The following CYTH3 variants were observed in gnomAD, a reference collection of about 807,000 sequenced individuals.
CYTH3 encodes the protein cytohesin-3.
A neutral mutation model predicts 55.1 loss-of-function variants in CYTH3; 23 were observed. That is an observed-to-expected ratio of 0.42 (90% CI 0.30 to 0.59). The LOEUF is 0.59. CYTH3 is among the 20% of genes least tolerant of loss of function. The pLI, the probability that CYTH3 is intolerant of heterozygous loss-of-function variation, is 0.20. For synonymous variants in CYTH3, 249 were observed against 194.9 expected, an observed-to-expected ratio of 1.28 and a Z score of -2.31; for missense variants, 413 against 524.8, an observed-to-expected ratio of 0.79 and a Z score of 2.08.
At chr7:6,258,125 GT>G (rs1780176989) in intron 1 of CYTH3, among the ~76,000 whole-genome samples, 1 of 151,892 alleles carries the variant, frequency 6.6e-6, no homozygotes, top group Admixed American at 6.6e-5. Flanking sequence ...AATATTTTTT[GT>G]TTCTTTGGTT....
intron 1 of CYTH3, among the ~76,000 whole-genome samples, chr7:6,233,065 G>A (rs1779428090): frequency 6.6e-6 from 1 of 152,000 alleles, no homozygotes; most frequent in African/African-American, 2.4e-5. Context: ...TTCTTCCCAA[G>A]CTCCTTAAAT....
At chr7:6,240,884 G>C (rs578070250) in intron 1 of CYTH3, among the ~76,000 whole-genome samples, 1 of 152,106 alleles carries the variant, frequency 6.6e-6, no homozygotes, top group East Asian at 1.9e-4. Flanking sequence ...GGAAGGCCAA[G>C]GCGGGTGGAT....
chr7:6,247,994 T>C (rs1240328046), intron 1 of CYTH3, among the ~76,000 whole-genome samples: 1 of 151,964 alleles, frequency 6.6e-6, no homozygotes, highest in African/African-American at 2.4e-5. Flanking sequence ...TGCCCTAGTT[T>C]TCAGCTTGGC....
intron 1 of CYTH3, among the ~76,000 whole-genome samples, chr7:6,203,076 T>G (rs1235657099): frequency 6.6e-6 from 1 of 152,048 alleles, no homozygotes; most frequent in Non-Finnish European, 1.5e-5. Context: ...CACTAGATAA[T>G]GATATTTTGT....
At chr7:6,195,719 T>G (rs1413308506) in intron 1 of CYTH3, among the ~76,000 whole-genome samples, 4 of 152,184 alleles carry the variant, frequency 2.6e-5, no homozygotes, top group Admixed American at 2.6e-4. Flanking sequence ...ACAGGTCATC[T>G]CCATTAAACC....
intron 1 of CYTH3, among the ~76,000 whole-genome samples, chr7:6,245,680 G>A (rs570010037): frequency 7.2e-5 from 11 of 152,294 alleles, no homozygotes; most frequent in Middle Eastern, 3.4e-3. Flanking sequence ...CGAGGCAGGC[G>A]GATCACCTGA....
At chr7:6,173,439 A>G (rs1044443449) in intron 6 of CYTH3, among the ~76,000 whole-genome samples, 40 of 152,330 alleles carry the variant, frequency 2.6e-4, no homozygotes, top group African/African-American at 9.4e-4. Context: ...ACAGTGAGGA[A>G]AGCACGGCCC....
intron 1 of CYTH3, among the ~76,000 whole-genome samples, chr7:6,217,882 A>T (rs571030447): frequency 3.3e-4 from 49 of 149,316 alleles, no homozygotes; most frequent in African/African-American, 1.0e-3. Flanking sequence ...ATTTTAGATT[A>T]AAAAAAAAAT....
intron 1 of CYTH3, among the ~76,000 whole-genome samples, chr7:6,195,217 A>C (rs1274961173): frequency 1.3e-5 from 2 of 152,182 alleles, no homozygotes; most frequent in East Asian, 3.8e-4. Context: ...TGTTTTCATT[A>C]CGATATAAAT....
rs181309445 is a variant in CYTH3 at position 6,220,040 on chromosome 7, C to G, written c.35-29509G>C. On this transcript the variant is annotated intron_variant, in intron 1 of 12. Transcript: ENST00000350796. ...TGACTGGGACTACAGGCATGCACCACCACACCCAGCTAATTTTTGTATTTT... is the reference window on the plus strand; with the variant it reads ...TGACTGGGACTACAGGCATGCACCAGCACACCCAGCTAATTTTTGTATTTT... 6.6e-5 allele frequency among the ~76,000 whole-genome samples: 10 copies of G among 152,078 alleles called. No homozygotes were observed. The East Asian group carries it at 1.9e-3, about 29-fold the overall frequency.
intron 1 of CYTH3, among the ~76,000 whole-genome samples, chr7:6,225,219 C>T (rs1779218208): frequency 6.6e-6 from 1 of 152,076 alleles, no homozygotes; most frequent in Non-Finnish European, 1.5e-5. Context: ...TTATATATAT[C>T]ATATTGTCCA....
intron 1 of CYTH3, among the ~76,000 whole-genome samples, chr7:6,240,045 C>G (rs1159193206): frequency 6.6e-6 from 1 of 152,130 alleles, no homozygotes; most frequent in African/African-American, 2.4e-5. Context: ...GTGGCTCACG[C>G]CTATAATCCC....
rs1282223382 is a variant in CYTH3 at position 6,169,110 on chromosome 7, AAG to A, written c.823+1423_823+1424del. On this transcript the variant is annotated intron_variant, in intron 9 of 12. Coordinates refer to ENST00000350796, the MANE Select transcript of CYTH3 (RefSeq NM_004227.4). The surrounding 1 kb of genome is among the most constrained non-coding windows in gnomAD (Gnocchi z 4.1). ...CCTCGGTACAGCCAGAAAAAAGTCA[AAG>A]AGCAATGGCCAAGGTCAAAGACCCT... Among the ~76,000 whole-genome samples, 3 of 152,194 alleles carry A rather than the reference AAG, an allele frequency of 2.0e-5. No individual in the cohort carries two copies. Among genetic ancestry groups the A allele is most frequent in the African/African-American group, 7.2e-5 (3 of 41,456 alleles).
chr7:6,240,564 A>G (rs895835704), intron 1 of CYTH3, among the ~76,000 whole-genome samples: 1 of 152,178 alleles, frequency 6.6e-6, no homozygotes, highest in African/African-American at 2.4e-5. Context: ...GTACTTTAAT[A>G]TATGATAAAA....
intron 1 of CYTH3, among the ~76,000 whole-genome samples, chr7:6,206,337 G>T (rs948195222): frequency 5.3e-5 from 8 of 152,216 alleles, no homozygotes; most frequent in African/African-American, 1.9e-4. Context: ...TAGGTGAAAT[G>T]AGCCAGCCAC....
intron 1 of CYTH3, among the ~76,000 whole-genome samples, chr7:6,205,302 G>A (rs1050561264): frequency 2.6e-5 from 4 of 152,170 alleles, no homozygotes; most frequent in African/African-American, 7.2e-5. Context: ...GGCCAGGCAC[G>A]GTGGCTCACA....
intron 1 of CYTH3, among the ~76,000 whole-genome samples, chr7:6,205,391 G>A (rs1169398258): frequency 6.6e-6 from 1 of 151,978 alleles, no homozygotes; most frequent in Non-Finnish European, 1.5e-5. Flanking sequence ...TGGCCAACAT[G>A]GTAAAACCCC....
chr7:6,224,695 T>C (rs1779195438), intron 1 of CYTH3, among the ~76,000 whole-genome samples: 1 of 152,230 alleles, frequency 6.6e-6, no homozygotes, highest in African/African-American at 2.4e-5. Flanking sequence ...CCACTAGTAA[T>C]TCTACTTCTA....
At chr7:6,214,947 A>C (rs183357422) in intron 1 of CYTH3, among the ~76,000 whole-genome samples, 1 of 152,338 alleles carries the variant, frequency 6.6e-6, no homozygotes, top group African/African-American at 2.4e-5. Flanking sequence ...TTGGCTTGAA[A>C]AAAAAGAGTA....
Sources: allele counts gnomAD v4.1 joint callset (sites outside exome capture counted in the v4.1 genomes callset), GRCh38; gene constraint gnomAD v4.1.1; non-coding constraint Gnocchi (gnomAD v3.1); transcripts MANE v1.5; gene names NCBI Gene and HGNC (gene_info 2026-07-23, HGNC 2026-07-21).